The following ZNF804B variants were observed in gnomAD, a reference collection of about 807,000 sequenced individuals.
ZNF804B encodes the protein zinc finger protein 804B, also known as zinc finger 804B.
In ZNF804B, 80 loss-of-function variants were observed where a neutral mutation model predicts 101.4. That is an observed-to-expected ratio of 0.79 (90% confidence interval 0.66 to 0.95). The LOEUF (loss-of-function observed/expected upper bound fraction) is 0.95, where lower values mean the gene tolerates loss of function less well. Among genes scored for constraint, ZNF804B ranks in the 40% least tolerant of loss-of-function variants. The probability of loss-of-function intolerance (pLI) is 0.00; values close to 1 mark genes in which losing one functional copy is unlikely to be tolerated. For missense variants in ZNF804B, 1,673 were observed against 1,561.9 expected (o/e 1.07, Z -1.20); for synonymous variants, 622 against 558.8 (o/e 1.11, Z -1.59).
At chr7:88,991,365 C>A (rs1292780259) in intron 1 of ZNF804B, among the ~76,000 whole-genome samples, 1 of 152,136 alleles carries the variant, frequency 6.6e-6, no homozygotes, top group Non-Finnish European at 1.5e-5. Context: ...GTGTAGTACA[C>A]AACCACTGCT....
chr7:88,997,395 T>G (rs1320396542), intron 1 of ZNF804B, among the ~76,000 whole-genome samples: 1 of 152,160 alleles, frequency 6.6e-6, no homozygotes, highest in Non-Finnish European at 1.5e-5. Flanking sequence ...CTATTTCTTC[T>G]GAAGACATGG....
At chr7:89,313,753 T>G (rs1790678506) in intron 2 of ZNF804B, among the ~76,000 whole-genome samples, 1 of 152,210 alleles carries the variant, frequency 6.6e-6, no homozygotes, top group Non-Finnish European at 1.5e-5. Flanking sequence ...GTTTACCTCT[T>G]GCTGAGAGAA....
rs529463103 is a variant in ZNF804B at position 88,912,488 on chromosome 7, G to A, written c.108+152404G>A. ...TTGTATAATTAGTGTCATTGCTGAC[G>A]CTAAGTTCACAAATATTTTATGCAT... On this transcript the variant is annotated intron_variant, in intron 1 of 3. Transcript: ENST00000333190. Among the ~76,000 whole-genome samples the A allele has an allele frequency of 2.5e-4, 38 of 152,088 alleles. No individual in the cohort carries two copies. The South Asian group carries it at 7.3e-3, about 29-fold the overall frequency.
chr7:89,022,355 A>G (rs545320101), intron 1 of ZNF804B, among the ~76,000 whole-genome samples: 83 of 152,302 alleles, frequency 5.4e-4, no homozygotes, highest in Middle Eastern at 6.8e-3. Flanking sequence ...GGTATGTTTT[A>G]AATAGTTTAT....
chr7:89,069,009 C>T (rs1414231703), intron 1 of ZNF804B, among the ~76,000 whole-genome samples: 1 of 152,198 alleles, frequency 6.6e-6, no homozygotes, highest in African/African-American at 2.4e-5. Flanking sequence ...AATCATTCAG[C>T]ATGGCTTGTG....
intron 1 of ZNF804B, among the ~76,000 whole-genome samples, chr7:88,981,567 C>T (rs1281699283): frequency 1.3e-5 from 2 of 152,022 alleles, no homozygotes; most frequent in Non-Finnish European, 2.9e-5. Flanking sequence ...AGCACCAGGA[C>T]TGCAGTCCTA....
rs545842566 is a variant in ZNF804B, at chr7:89,038,913, C to G, written c.109-179242C>G. 4.1e-4 allele frequency among the ~76,000 whole-genome samples: 63 copies of G among 152,138 alleles called. No individual in the cohort carries two copies. The South Asian group carries it at 0.013, about 31-fold the overall frequency. ...TTCCCAGTACCATTTATTAATGAAA[C>G]TGTCCTATCTCCACCATGTATTTGT... On this transcript the variant is annotated intron_variant, in intron 1 of 3. Coordinates refer to ENST00000333190, the MANE Select transcript of ZNF804B (RefSeq NM_181646.5).
intron 1 of ZNF804B, among the ~76,000 whole-genome samples, chr7:88,920,976 T>C (rs1033116530): frequency 5.9e-5 from 9 of 152,066 alleles, no homozygotes; most frequent in African/African-American, 2.2e-4. Flanking sequence ...AGTTGTGATA[T>C]CATGGAAAAG....
intron 1 of ZNF804B, among the ~76,000 whole-genome samples, chr7:89,068,055 C>G (rs1023983839): frequency 6.7e-6 from 1 of 149,640 alleles, no homozygotes; most frequent in African/African-American, 2.5e-5. Context: ...AATGCTTAAA[C>G]CAGTATGGAT....
At chr7:88,892,412 T>G (rs2115933049) in intron 1 of ZNF804B, among the ~76,000 whole-genome samples, 1 of 152,250 alleles carries the variant, frequency 6.6e-6, no homozygotes, top group African/African-American at 2.4e-5. Flanking sequence ...GGGAGTATCT[T>G]TCTAGCTTTA....
intron 1 of ZNF804B, among the ~76,000 whole-genome samples, chr7:88,997,608 A>G (rs1270665870): frequency 6.6e-6 from 1 of 152,074 alleles, no homozygotes; most frequent in Admixed American, 6.6e-5. Context: ...CTGTATTGCC[A>G]TCAGGAGTGT....
intron 2 of ZNF804B, among the ~76,000 whole-genome samples, chr7:89,267,960 A>T (rs189827590): frequency 1.3e-5 from 2 of 152,092 alleles, no homozygotes. Context: ...ACTGTCTTCA[A>T]TATATTACTC....
intron 1 of ZNF804B, among the ~76,000 whole-genome samples, chr7:88,875,175 T>A (rs1791910282): frequency 7.1e-6 from 1 of 141,776 alleles, no homozygotes; most frequent in Non-Finnish European, 1.5e-5. Context: ...TAGAGGGAAA[T>A]TTATAGCACT....
intron 1 of ZNF804B, among the ~76,000 whole-genome samples, chr7:89,186,095 T>G (rs988055489): frequency 6.6e-6 from 1 of 151,932 alleles, no homozygotes; most frequent in African/African-American, 2.4e-5. Flanking sequence ...TATGAAAAAT[T>G]AACAATCAGA....
chr7:89,143,210 A>G (rs1790743174), intron 1 of ZNF804B, among the ~76,000 whole-genome samples: 1 of 151,952 alleles, frequency 6.6e-6, no homozygotes. Flanking sequence ...TTTTATTATA[A>G]CGATGGTATA....
intron 2 of ZNF804B, among the ~76,000 whole-genome samples, chr7:89,298,212 GTGTGTATATATA>G (rs1242740849): frequency 3.2e-4 from 21 of 65,274 alleles, no homozygotes; most frequent in Admixed American, 1.9e-3. Context: ...GTGTGTGTGT[GTGTGTATATATA>G]TATATATATA....
chr7:89,151,354 A>C (rs722005), intron 1 of ZNF804B, among the ~76,000 whole-genome samples: 32,087 of 151,930 alleles, frequency 0.21, 3,427 homozygotes, highest in Middle Eastern at 0.24. Flanking sequence ...ACTCAACAAT[A>C]ATCTGATCTA....
chr7:89,206,946 A>C (rs1788723115), intron 1 of ZNF804B, among the ~76,000 whole-genome samples: 1 of 152,206 alleles, frequency 6.6e-6, no homozygotes. Context: ...AAACATAACA[A>C]GAGTCACCAT....
At chr7:89,302,240 A>G (rs551405179) in intron 2 of ZNF804B, among the ~76,000 whole-genome samples, 2 of 152,022 alleles carry the variant, frequency 1.3e-5, no homozygotes, top group East Asian at 3.9e-4. Context: ...ATAAAGATTT[A>G]TACCCTCCTT....
Sources: allele counts gnomAD v4.1 joint callset (sites outside exome capture counted in the v4.1 genomes callset), GRCh38; gene constraint gnomAD v4.1.1; transcripts MANE v1.5; gene names NCBI Gene and HGNC (gene_info 2026-07-23, HGNC 2026-07-21).